The following NEB variants were observed in gnomAD, a reference collection of about 807,000 sequenced individuals.
NEB encodes nemaline myopathy type 2.
In NEB, 512 loss-of-function variants were observed where a neutral mutation model predicts 952.2. The observed-to-expected ratio is 0.54, with a 90% CI of 0.50 to 0.58. The LOEUF is 0.58. NEB is among the 20% of genes least tolerant of loss of function. NEB has a pLI of 0.00. For synonymous variants in NEB, 2,900 were observed against 3,149.8 expected, an observed-to-expected ratio of 0.92 and a Z score of 2.66; for missense variants, 8,428 against 9,231.1, an observed-to-expected ratio of 0.91 and a Z score of 3.56.
intron 135 of NEB, among the ~76,000 whole-genome samples, chr2:151,544,594 A>G (rs2094475108): frequency 6.6e-6 from 1 of 152,226 alleles, no homozygotes; most frequent in Non-Finnish European, 1.5e-5. Flanking sequence ...TCTGAGTGCG[A>G]GTGCGGGCTG....
Position 151,723,424 on chromosome 2 carries a change from C to T in NEB, c.675G>A (p.Pro225=), listed in dbSNP as rs138528093. 4.1e-4 allele frequency: 660 copies of T among 1,610,428 alleles called. 7 individuals carry two copies. The African/African-American group carries it at 7.7e-3, about 19-fold the overall frequency. The change falls in exon 9 of 182, where the codon CCG becomes CCA. Residue 225 remains proline (P), a synonymous_variant. Transcript: ENST00000397345. The stretch of plus-strand genomic sequence containing the variant: ...GGGCCTGGGCAACTCTCCTCAGTTC[C>T]GGGCTATCATTATAGGGGTAAAACA... ...KSLFYPYNDS[P]ELRRVAQAQK...
chr2:151,550,327 T>C (rs2095237009), intron 129 of NEB, among the ~76,000 whole-genome samples: 1 of 150,802 alleles, frequency 6.6e-6, no homozygotes, highest in African/African-American at 2.4e-5. Context: ...TATGCCCAGT[T>C]GGCTGTATGG....
Position 151,610,867 on chromosome 2 carries a change from C to A in NEB, c.11806-1G>T. On this transcript the variant is annotated splice_acceptor_variant, in intron 78 of 181. Transcript: ENST00000397345. LOFTEE classifies it high-confidence loss of function. ...CATCCCAAGCTTCTGTGTATAAATG[C>A]TACAGGGCAGGGCGGCATGGGGCAT... 6.3e-7 allele frequency: 1 copy of A among 1,582,842 alleles called. No homozygotes were observed.
At chr2:151,565,912 A>G in intron 114 of NEB, 92 bp from the exon 115 acceptor site, 1 of 771,878 alleles carries the variant, frequency 1.3e-6, no homozygotes, top group Non-Finnish European at 2.1e-6. Context: ...AAGCTTTTAA[A>G]GGATTTCTCT....
At position 151,517,984 on chromosome 2, in the gene NEB, G is replaced by A. The variant is rs547356589; in HGVS notation, c.22800+334C>T. On this transcript the variant is annotated intron_variant, in intron 156 of 181. Coordinates refer to ENST00000397345, the MANE Select transcript of NEB (RefSeq NM_001164508.2). ...TCACTTCTCTGTTTGAAATCTTCCT[G>A]ACTCCCTATAATCTACTGTAGTGTT... is the stretch of plus-strand genomic sequence containing the variant. Among the ~76,000 whole-genome samples the A allele has an allele frequency of 1.4e-4, 21 of 152,160 alleles. No homozygotes were observed. In the East Asian group the frequency reaches 4.1e-3, roughly 29 times the overall value.
intron 148 of NEB, among the ~76,000 whole-genome samples, chr2:151,526,643 T>C (rs2086245363): frequency 6.6e-6 from 1 of 151,910 alleles, no homozygotes; most frequent in South Asian, 2.1e-4. Flanking sequence ...CCATAAAGAG[T>C]CCAGCCAGGC....
chr2:151,719,225 T>TAGTA (rs2099767622), intron 9 of NEB, among the ~76,000 whole-genome samples: 1 of 152,224 alleles, frequency 6.6e-6, no homozygotes, highest in Non-Finnish European at 1.5e-5. Context: ...GTGGCCTGCA[T>TAGTA]AGTACCTAGC....
rs534531948 is a variant in NEB at position 151,666,286 on chromosome 2, C to G, written c.4835G>C (p.Arg1612Pro). Residue 1612 changes from arginine to proline, a missense_variant, in exon 41 of 182, where the codon CGT becomes CCT. By Grantham distance (103) the Arg-to-Pro change is moderately radical (BLOSUM62 -2). Around this residue, in one of 11 missense-constraint regions of NEB, gnomAD observed 2,851 missense variants for 2,791.5 expected, o/e 1.02. Coordinates refer to ENST00000397345, the MANE Select transcript of NEB (RefSeq NM_001164508.2). ...GGCTTCATAGCCCTTTTTGTACTCA[C>G]GATCAGACTGGATTTTGGCCACATT... Reference protein sequence around the residue: ...YMNVAKIQSDREYKKGYEASK... With the variant: ...YMNVAKIQSDPEYKKGYEASK... 3 of 1,613,784 alleles carry G rather than the reference C, an allele frequency of 1.9e-6. No homozygotes were observed. The highest frequency in any genetic ancestry group is 1.7e-6 in the Non-Finnish European group (2 of 1,179,856).
At position 151,546,396 on chromosome 2, in the gene NEB, G is replaced by A. The variant is rs760807907; in HGVS notation, c.20415C>T (p.Phe6805=). The A allele has an allele frequency of 2.5e-6, 4 of 1,613,614 alleles. No individual in the cohort carries two copies. In the Admixed American group the frequency reaches 6.7e-5, roughly 27 times the overall value. ...GGACCATGTCAGGAGTGTCATACAG[G>A]AAGCAGCCAAATCCCTTCAGGACCT... ...DLQVLKGFGC[F]LYDTPDMVRS... Residue 6805 remains phenylalanine, a synonymous_variant, in exon 134 of 182, where the codon TTC becomes TTT. Coordinates refer to ENST00000397345, the MANE Select transcript of NEB (RefSeq NM_001164508.2).
intron 9 of NEB, among the ~76,000 whole-genome samples, chr2:151,717,888 A>G (rs1440634328): frequency 1.5e-5 from 2 of 134,008 alleles, no homozygotes; most frequent in Non-Finnish European, 3.1e-5. Flanking sequence ...GAGTCTCACT[A>G]TGTTGCCCAG....
chr2:151,517,532 A>G (rs2078527373), intron 156 of NEB, among the ~76,000 whole-genome samples: 1 of 152,194 alleles, frequency 6.6e-6, no homozygotes. Context: ...TTGCTTAACA[A>G]CTGGGATATG....
intron 153 of NEB, among the ~76,000 whole-genome samples, chr2:151,520,593 G>A (rs2153406985): frequency 6.6e-6 from 1 of 152,194 alleles, no homozygotes; most frequent in East Asian, 1.9e-4. Flanking sequence ...AGCCAGGTGT[G>A]GTGGCTCATG....
chr2:151,581,746 A>C (rs2097105112), intron 102 of NEB, among the ~76,000 whole-genome samples, 159 bp from the exon 103 acceptor site: 1 of 151,224 alleles, frequency 6.6e-6, no homozygotes, highest in African/African-American at 2.4e-5. Context: ...AGTAAATTAA[A>C]ATTTTTAAGT....
chr2:151,533,505 T>A lies in NEB; in HGVS notation c.21354A>T (p.Gly7118=). Residue 7118 remains glycine, a synonymous_variant, in exon 143 of 182, where the codon GGA becomes GGT. Transcript: ENST00000397345. ...TATCTGGACGCAGAATTTCATTACA[T>A]CCATGTTGCAGAAACATCTTGGCAC... ...KSSAKMFLQH[G]CNEILRPDML... is the part of the protein sequence containing the mutation. 6.4e-7 allele frequency: 1 copy of A among 1,551,532 alleles called. No homozygotes were observed. Among genetic ancestry groups the A allele is most frequent in the African/African-American group, 1.4e-5 (1 of 73,178 alleles).
rs916950454 is a variant in NEB at position 151,644,468 on chromosome 2, T to C, written c.7644A>G (p.Glu2548=). The C allele has an allele frequency of 3.1e-6, 5 of 1,608,628 alleles. No individual in the cohort carries two copies. The East Asian group carries it at 6.7e-5, about 22-fold the overall frequency. Reference sequence around the variant, plus strand: ...ATATCAACAGAGGATAAAATCTTACTTCACTGGCAATTTCCCGGGAGGCTT... The same window carrying C: ...ATATCAACAGAGGATAAAATCTTACCTCACTGGCAATTTCCCGGGAGGCTT... ...AAKASREIAS[E]YKYKEGFRKQ... is the part of the protein sequence containing the mutation. The change falls in exon 56 of 182, where the codon GAA becomes GAG. Residue 2548 remains glutamate (E), a splice_region_variant and synonymous_variant. Transcript: ENST00000397345.
At chr2:151,675,451 A>C in intron 34 of NEB, 60 bp from the exon 35 acceptor site, 1 of 1,185,884 alleles carries the variant, frequency 8.4e-7, no homozygotes, top group Non-Finnish European at 1.2e-6. Context: ...GTTTGCTTTA[A>C]AGAGTTATTT....
chr2:151,654,103 A>G lies in NEB; in HGVS notation c.6808-4T>C, dbSNP rs1186944329. 4.5e-6 allele frequency: 7 copies of G among 1,571,632 alleles called. No individual in the cohort carries two copies. Among genetic ancestry groups the G allele is most frequent in the Non-Finnish European group, 5.2e-6 (6 of 1,149,292 alleles). The stretch of plus-strand genomic sequence containing the variant: ...CCCATCCAAGTTTATAGAGTTTCTG[A>G]AAATTAAAGATATTCTTCAGCATTA... On this transcript the variant is annotated splice_region_variant and splice_polypyrimidine_tract_variant and intron_variant, in intron 51 of 181. Transcript: ENST00000397345.
chr2:151,547,334 A>G (rs933988765), intron 133 of NEB, 95 bp downstream of exon 133: 28 of 918,558 alleles, frequency 3.0e-5, no homozygotes, highest in Non-Finnish European at 4.6e-5. Context: ...GCTTATCAGA[A>G]AAGGCTGTTC....
At chr2:151,531,316 T>C (rs1397237931) in intron 144 of NEB, among the ~76,000 whole-genome samples, 2 of 133,996 alleles carry the variant, frequency 1.5e-5, no homozygotes, top group Admixed American at 1.5e-4. Flanking sequence ...TTCTTTTTTT[T>C]TTTTTTTTTT....
Sources: allele counts gnomAD v4.1 joint callset (sites outside exome capture counted in the v4.1 genomes callset), GRCh38; gene constraint gnomAD v4.1.1; regional missense constraint gnomAD v4.1.1; transcripts MANE v1.5; gene names NCBI Gene and HGNC (gene_info 2026-07-23, HGNC 2026-07-21).